XKR4: variants seen among roughly 807,000 people sequenced by gnomAD.
XKR4 encodes XK-related protein 4.
A neutral mutation model predicts 53.9 loss-of-function variants in XKR4; 12 were observed. That is an observed-to-expected ratio of 0.22 (90% CI 0.14 to 0.36). The LOEUF (loss-of-function observed/expected upper bound fraction) is 0.36, where lower values mean the gene tolerates loss of function less well. Among genes scored for constraint, XKR4 ranks in the 10% least tolerant of loss-of-function variants. The pLI is 1.00. For synonymous variants in XKR4, 354 were observed against 362.4 expected, an observed-to-expected ratio of 0.98 and a Z score of 0.26; for missense variants, 799 against 859.5, an observed-to-expected ratio of 0.93 and a Z score of 0.88.
At chr8:55,325,871 C>G (rs1237900580) in intron 1 of XKR4, among the ~76,000 whole-genome samples, 1 of 152,130 alleles carries the variant, frequency 6.6e-6, no homozygotes, top group Non-Finnish European at 1.5e-5. Flanking sequence ...GGTAATTCCT[C>G]TCTAAGAAAT....
chr8:55,454,295 GC>G, intron 2 of XKR4: 1 of 1,430,334 alleles, frequency 7.0e-7, no homozygotes, highest in Non-Finnish European at 9.8e-7. Flanking sequence ...TGCCTGGAAG[GC>G]CGCATTGACC....
Position 55,149,860 on chromosome 8 carries a change from C to A in XKR4, c.806+46566C>A, listed in dbSNP as rs77201569. Among the ~76,000 whole-genome samples the A allele has an allele frequency of 9.0e-3, 1,368 of 152,298 alleles. 15 individuals are homozygous for A. Among genetic ancestry groups the A allele is most frequent in the African/African-American group, 0.031 (1,295 of 41,556 alleles). On this transcript the variant is annotated intron_variant, in intron 1 of 2. Coordinates refer to ENST00000327381, the MANE Select transcript of XKR4 (RefSeq NM_052898.2). ...CTAAGGAAACTTGCCTATCAAAAATCATAGTGAGGGCCTTGGCTATTTATG... is the reference window on the plus strand; with the variant it reads ...CTAAGGAAACTTGCCTATCAAAAATAATAGTGAGGGCCTTGGCTATTTATG...
chr8:55,140,319 CTT>C, intron 1 of XKR4: 2 of 221,154 alleles, frequency 9.0e-6, no homozygotes, highest in Non-Finnish European at 1.9e-5. Flanking sequence ...TCTGTGAAAA[CTT>C]TGTGTTTGGG....
intron 2 of XKR4, among the ~76,000 whole-genome samples, chr8:55,426,094 G>A (rs1480322352): frequency 1.3e-5 from 2 of 152,092 alleles, no homozygotes; most frequent in Admixed American, 6.5e-5. Context: ...GCTATCTCTG[G>A]GGTGATATAA....
chr8:55,210,258 AT>A (rs1251018714), intron 1 of XKR4, among the ~76,000 whole-genome samples: 1 of 151,702 alleles, frequency 6.6e-6, no homozygotes, highest in East Asian at 1.9e-4. Context: ...CTAATTTTGT[AT>A]TTTTAGTAGA....
At position 55,158,407 on chromosome 8, in the gene XKR4, C is replaced by A. The variant is rs1816938177; in HGVS notation, c.806+55113C>A. Among the ~76,000 whole-genome samples the A allele has an allele frequency of 2.6e-5, 4 of 152,216 alleles. No individual in the cohort carries two copies. The South Asian group carries it at 8.3e-4, about 32-fold the overall frequency. ...ATAGATTCTGGATGTTAGACCTTTG[C>A]TGGATGCATAGTTTGCAAATATTTT... is the stretch of plus-strand genomic sequence containing the variant. On this transcript the variant is annotated intron_variant, in intron 1 of 2. Transcript: ENST00000327381.
chr8:55,531,865 A>T lies in XKR4; in HGVS notation c.*7638A>T, dbSNP rs1348026678. The T allele has an allele frequency of 6.6e-6, 1 of 152,334 alleles. No homozygotes were observed. The highest frequency in any genetic ancestry group is 1.5e-5 in the Non-Finnish European group (1 of 68,038). 9.4% of individuals were successfully genotyped at this position (152,334 alleles called of 1,614,324 possible). A position where few individuals can be genotyped will look rare whatever the true frequency, so the allele number is the denominator to read the frequency against. On this transcript the variant is annotated 3_prime_UTR_variant, in exon 3 of 3. Coordinates refer to ENST00000327381, the MANE Select transcript of XKR4 (RefSeq NM_052898.2). ...ACATAAACATGAGCTGTTTCTCTAA[A>T]GCCTTTCCTCCAATGCCCAGAAGAG...
intron 1 of XKR4, among the ~76,000 whole-genome samples, chr8:55,234,108 T>C (rs1041827347): frequency 1.3e-5 from 2 of 152,310 alleles, no homozygotes; most frequent in African/African-American, 4.8e-5. Context: ...GTGATTCCTG[T>C]GGACCAGGGA....
At chr8:55,333,130 T>C (rs1803404874) in intron 1 of XKR4, among the ~76,000 whole-genome samples, 1 of 152,166 alleles carries the variant, frequency 6.6e-6, no homozygotes, top group South Asian at 2.1e-4. Flanking sequence ...TCCTGAGTTT[T>C]TCTTTTTAGT....
chr8:55,488,610 C>T (rs1357664564), intron 2 of XKR4, among the ~76,000 whole-genome samples: 1 of 152,112 alleles, frequency 6.6e-6, no homozygotes, highest in Non-Finnish European at 1.5e-5. Context: ...GGAATTTCAA[C>T]TATATGATAT....
intron 2 of XKR4, among the ~76,000 whole-genome samples, chr8:55,375,074 C>T (rs972977415): frequency 3.3e-5 from 5 of 152,162 alleles, no homozygotes; most frequent in Non-Finnish European, 5.9e-5. Flanking sequence ...TCCATCCCAC[C>T]GGGAAAGGAC....
chr8:55,360,583 G>T (rs890128629), intron 2 of XKR4, among the ~76,000 whole-genome samples: 7 of 152,248 alleles, frequency 4.6e-5, no homozygotes, highest in Non-Finnish European at 1.0e-4. Flanking sequence ...TAAAGGATTT[G>T]CAGATAGCTG....
chr8:55,474,390 C>A (rs1483420541), intron 2 of XKR4, among the ~76,000 whole-genome samples: 5 of 152,150 alleles, frequency 3.3e-5, no homozygotes, highest in Non-Finnish European at 7.3e-5. Flanking sequence ...AGTTAAAAAT[C>A]AGGTAGCCTT....
intron 2 of XKR4, among the ~76,000 whole-genome samples, chr8:55,378,060 A>G (rs1326895242): frequency 6.6e-6 from 1 of 152,198 alleles, no homozygotes; most frequent in Non-Finnish European, 1.5e-5. Flanking sequence ...CTTGAGTACA[A>G]ATGTTTTTGT....
At chr8:55,356,819 C>T (rs1354245418) in intron 1 of XKR4, among the ~76,000 whole-genome samples, 1 of 152,132 alleles carries the variant, frequency 6.6e-6, no homozygotes, top group Non-Finnish European at 1.5e-5. Context: ...TTTATTCCAT[C>T]TCTACCAACC....
chr8:55,383,117 G>C (rs530786211), intron 2 of XKR4, among the ~76,000 whole-genome samples: 1 of 152,218 alleles, frequency 6.6e-6, no homozygotes, highest in East Asian at 1.9e-4. Context: ...GAAGGCTGAG[G>C]CAGGAGAATC....
At chr8:55,410,089 TAAA>T (rs61035942) in intron 2 of XKR4, among the ~76,000 whole-genome samples, 10 of 143,114 alleles carry the variant, frequency 7.0e-5, no homozygotes, top group African/African-American at 2.5e-4. Context: ...CATTTGCCTT[TAAA>T]AAAAAAAAAA....
chr8:55,214,175 T>C (rs893040936), intron 1 of XKR4, among the ~76,000 whole-genome samples: 1 of 152,162 alleles, frequency 6.6e-6, no homozygotes, highest in Admixed American at 6.5e-5. Context: ...TTAGTACTTA[T>C]TATTTACTTT....
intron 1 of XKR4, among the ~76,000 whole-genome samples, chr8:55,244,164 G>A (rs888277270): frequency 6.6e-6 from 1 of 152,172 alleles, no homozygotes; most frequent in African/African-American, 2.4e-5. Context: ...ATTTCATCAT[G>A]CAGGTAATAA....
Sources: gnomAD v4.1 joint callset for allele counts (sites outside exome capture counted in the v4.1 genomes callset) on GRCh38, gnomAD v4.1.1 for gene constraint, MANE v1.5 for transcripts, NCBI Gene and HGNC (gene_info 2026-07-23, HGNC 2026-07-21) for gene names.